The following VPS13B variants were observed in gnomAD, a reference collection of about 807,000 sequenced individuals.
VPS13B encodes intermembrane lipid transfer protein VPS13B.
VPS13B carries 285 observed loss-of-function variants against 426.4 expected under a neutral mutation model. The ratio of observed to expected loss-of-function variants is 0.67; its 90% CI spans 0.61 to 0.74. VPS13B has a LOEUF of 0.74. VPS13B is among the 30% of genes least tolerant of loss of function. The pLI is 0.00. For missense variants in VPS13B, 4,537 were observed against 4,782.6 expected (o/e 0.95, Z 1.51); for synonymous variants, 1,676 against 1,676.4 (o/e 1.00, Z 0.01).
At chr8:99,174,054 A>G (rs1588113409) in intron 16 of VPS13B, among the ~76,000 whole-genome samples, 3 of 152,224 alleles carry the variant, frequency 2.0e-5, no homozygotes, top group African/African-American at 7.2e-5. Flanking sequence ...CCTCACTGAA[A>G]TGGAATCATT....
chr8:99,824,696 C>T (rs1054612999), intron 51 of VPS13B, among the ~76,000 whole-genome samples: 4 of 151,672 alleles, frequency 2.6e-5, no homozygotes, highest in Non-Finnish European at 4.4e-5. Context: ...CCCATCAACC[C>T]GTCATCTACA....
At chr8:99,638,546 T>C (rs1007508357) in intron 33 of VPS13B, among the ~76,000 whole-genome samples, 1 of 152,192 alleles carries the variant, frequency 6.6e-6, no homozygotes. Flanking sequence ...TGCTGAAGTC[T>C]TCACAAAGAA....
Position 99,824,393 on chromosome 8 carries a change from G to A in VPS13B, c.9330+415G>A, listed in dbSNP as rs146101909. Among the ~76,000 whole-genome samples, 15 of 152,338 alleles carry A rather than the reference G, an allele frequency of 9.8e-5. No homozygotes were observed. In the East Asian group the frequency reaches 1.5e-3, roughly 16 times the overall value. On this transcript the variant is annotated intron_variant, in intron 51 of 61. Coordinates refer to ENST00000357162, the MANE Select transcript of VPS13B (RefSeq NM_152564.5). ...CAAAAGGCTAGGGCCTAACTGAGCC[G>A]TGGATCTGCGAGCAGTGAGCTCTGT...
chr8:99,096,179 T>TA (rs2132430759), intron 3 of VPS13B, 133 bp from the exon 4 acceptor site: 1 of 1,025,166 alleles, frequency 9.8e-7, no homozygotes. Flanking sequence ...ATGTAGTTTT[T>TA]AGAGCTAAAA....
chr8:99,234,318 T>C, intron 17 of VPS13B: 1 of 755,682 alleles, frequency 1.3e-6, no homozygotes, highest in Admixed American at 1.7e-5. Context: ...TTCTCCACTA[T>C]CCCGTGTTGA....
At chr8:99,855,353 G>C (rs1816494424) in intron 56 of VPS13B, among the ~76,000 whole-genome samples, 1 of 152,152 alleles carries the variant, frequency 6.6e-6, no homozygotes, top group South Asian at 2.1e-4. Context: ...CTACACTCCA[G>C]CCGGGGTGAC....
chr8:99,693,719 T>C (rs1161026941), intron 35 of VPS13B, among the ~76,000 whole-genome samples: 4 of 135,930 alleles, frequency 2.9e-5, no homozygotes, highest in Non-Finnish European at 6.3e-5. Flanking sequence ...GAGAAGGAAA[T>C]AAAAGGTATT....
rs570825424 is a variant in VPS13B at position 99,827,154 on chromosome 8, C to T, written c.9330+3176C>T. ...AGTTTCAGAAGGAATGATACCACCT[C>T]CTCTTTGTACCTCTGATAGAATTTG... is the stretch of plus-strand genomic sequence containing the variant. On this transcript the variant is annotated intron_variant, in intron 51 of 61. Transcript: ENST00000357162. Among the ~76,000 whole-genome samples the T allele has an allele frequency of 2.4e-3, 366 of 152,248 alleles. 4 individuals are homozygous for T. The highest frequency in any genetic ancestry group is 8.5e-3 in the African/African-American group (351 of 41,538).
At chr8:99,285,740 G>A (rs1819400217) in intron 19 of VPS13B, among the ~76,000 whole-genome samples, 1 of 152,086 alleles carries the variant, frequency 6.6e-6, no homozygotes, top group South Asian at 2.1e-4. Context: ...CAAAAGAGGA[G>A]TTGCTTTATA....
intron 30 of VPS13B, among the ~76,000 whole-genome samples, chr8:99,523,389 G>A (rs753638524): frequency 6.6e-6 from 1 of 152,210 alleles, no homozygotes; most frequent in Non-Finnish European, 1.5e-5. Flanking sequence ...GCCAGGCAGT[G>A]GTTACCACGG....
chr8:99,245,890 GTC>G (rs1817192277), intron 17 of VPS13B, among the ~76,000 whole-genome samples: 2 of 152,118 alleles, frequency 1.3e-5, no homozygotes, highest in South Asian at 4.1e-4. Flanking sequence ...TTATTTTACT[GTC>G]TCTCATTTCA....
At chr8:99,808,455 G>C (rs1260018795) in intron 43 of VPS13B, among the ~76,000 whole-genome samples, 1 of 148,910 alleles carries the variant, frequency 6.7e-6, no homozygotes, top group Admixed American at 6.7e-5. Context: ...CGTGGAGGTT[G>C]CAGTGAGCTG....
chr8:99,334,479 T>C (rs962709437), intron 19 of VPS13B, among the ~76,000 whole-genome samples: 1 of 152,124 alleles, frequency 6.6e-6, no homozygotes, highest in Non-Finnish European at 1.5e-5. Flanking sequence ...AGTATGATAT[T>C]GGCTGTGGGT....
chr8:99,429,388 A>C (rs955021179), intron 21 of VPS13B, among the ~76,000 whole-genome samples: 3 of 151,658 alleles, frequency 2.0e-5, no homozygotes, highest in Non-Finnish European at 2.9e-5. Context: ...TGAGCATTTT[A>C]AAAATAAGTT....
intron 25 of VPS13B, among the ~76,000 whole-genome samples, chr8:99,498,685 G>T (rs1489455397): frequency 6.6e-6 from 1 of 152,138 alleles, no homozygotes; most frequent in African/African-American, 2.4e-5. Flanking sequence ...ATGCTGACAT[G>T]TTGATGGGGA....
At chr8:99,746,330 C>T (rs1810085540) in intron 39 of VPS13B, among the ~76,000 whole-genome samples, 1 of 152,004 alleles carries the variant, frequency 6.6e-6, no homozygotes, top group African/African-American at 2.4e-5. Context: ...TAAAATTGAT[C>T]AGGTAGTATT....
At chr8:99,023,319 C>A (rs962912984) in intron 2 of VPS13B, among the ~76,000 whole-genome samples, 1 of 151,996 alleles carries the variant, frequency 6.6e-6, no homozygotes, top group Non-Finnish European at 1.5e-5. Context: ...ACTTTTTCAG[C>A]CCTATGTATG....
chr8:99,234,202 C>G, intron 17 of VPS13B: 2 of 777,846 alleles, frequency 2.6e-6, no homozygotes, highest in Non-Finnish European at 4.8e-6. Context: ...GAATAGTTCT[C>G]AAACTGATGC....
intron 15 of VPS13B, among the ~76,000 whole-genome samples, chr8:99,169,789 TAAA>T (rs1028708513): frequency 1.3e-5 from 2 of 151,996 alleles, no homozygotes; most frequent in African/African-American, 4.8e-5. Flanking sequence ...ATGTGAAACT[TAAA>T]AAAATTTGTC....
Sources: gnomAD v4.1 joint callset for allele counts (sites outside exome capture counted in the v4.1 genomes callset) on GRCh38, gnomAD v4.1.1 for gene constraint, MANE v1.5 for transcripts, NCBI Gene and HGNC (gene_info 2026-07-23, HGNC 2026-07-21) for gene names.